Variants in ZFYVE28 observed in about 807,000 individuals in gnomAD.
The protein encoded by ZFYVE28 is lateral signaling target protein 2 homolog.
A neutral mutation model predicts 82.1 loss-of-function variants in ZFYVE28; 40 were observed. The observed-to-expected ratio is 0.49, with a 90% confidence interval of 0.38 to 0.63. The LOEUF is 0.63. Among genes scored for constraint, ZFYVE28 ranks in the 30% least tolerant of loss-of-function variants. The probability of loss-of-function intolerance (pLI) is 0.00; values close to 1 mark genes in which losing one functional copy is unlikely to be tolerated. For synonymous variants in ZFYVE28, 612 were observed against 546.1 expected (o/e 1.12, Z -1.68); for missense variants, 1,321 against 1,242.1 (o/e 1.06, Z -0.96).
chr4:2,370,438 A>G (rs1238623615), intron 1 of ZFYVE28, among the ~76,000 whole-genome samples: 2 of 152,136 alleles, frequency 1.3e-5, no homozygotes, highest in Non-Finnish European at 2.9e-5. Context: ...CCCACACCCC[A>G]GCTCACACTT....
Position 2,305,302 on chromosome 4 carries a change from G to A in ZFYVE28, c.1038C>T (p.Ser346=). The A allele has an allele frequency of 6.2e-7, 1 of 1,613,112 alleles. No homozygotes were observed. Among genetic ancestry groups the A allele is most frequent in the Non-Finnish European group, 8.5e-7 (1 of 1,179,990 alleles). ...CGTCCCCCGCCCTGTGGACCATGCG[G>A]CTGAGCTGCTCCAGCTCCTGGTCGT... The part of the protein sequence containing the change: ...QYDDQELEQL[S]RMVHRAGDEM... Residue 346 remains serine, a synonymous_variant, in exon 8 of 13, where the codon AGC becomes AGT. Transcript: ENST00000290974.
At chr4:2,359,978 T>C (rs943028981) in intron 1 of ZFYVE28, among the ~76,000 whole-genome samples, 1 of 152,160 alleles carries the variant, frequency 6.6e-6, no homozygotes, top group Non-Finnish European at 1.5e-5. Flanking sequence ...CCTCGGGCCC[T>C]GGACCTGAGC....
chr4:2,401,812 C>G (rs1020199218), intron 1 of ZFYVE28, among the ~76,000 whole-genome samples: 4 of 152,206 alleles, frequency 2.6e-5, no homozygotes, highest in African/African-American at 9.6e-5. Context: ...CAGCAAAACC[C>G]TCGGGGGTCC....
chr4:2,350,418 C>T (rs367796399), intron 2 of ZFYVE28, among the ~76,000 whole-genome samples: 15 of 151,606 alleles, frequency 9.9e-5, no homozygotes, highest in South Asian at 4.2e-4. Flanking sequence ...GAGCCGAGAT[C>T]GCGCCACTGC....
intron 8 of ZFYVE28, among the ~76,000 whole-genome samples, chr4:2,284,481 T>A (rs1712430606): frequency 6.6e-6 from 1 of 152,140 alleles, no homozygotes; most frequent in Non-Finnish European, 1.5e-5. Context: ...GGTGGAGATT[T>A]CACCAATGAG....
At chr4:2,315,903 A>C (rs1306400900) in intron 7 of ZFYVE28, among the ~76,000 whole-genome samples, 1 of 151,672 alleles carries the variant, frequency 6.6e-6, no homozygotes, top group East Asian at 1.9e-4. Flanking sequence ...GATTCCAATT[A>C]TGTTTTTTAG....
rs138524175 is a variant in ZFYVE28, at chr4:2,339,780, C to G, written c.319-125G>C. 2 of 815,204 alleles carry G rather than the reference C, an allele frequency of 2.5e-6. No homozygotes were observed. The highest frequency in any genetic ancestry group is 3.8e-6 in the Non-Finnish European group (2 of 531,898). 50.5% of individuals were successfully genotyped at this position (815,204 alleles called of 1,614,324 possible). On this transcript the variant is annotated intron_variant, in intron 3 of 12. Coordinates refer to ENST00000290974, the MANE Select transcript of ZFYVE28 (RefSeq NM_020972.3). This position sits in a 1 kb window ranked among gnomAD's most constrained non-coding sequence, Gnocchi z 5.0. ...TCTCACCCCACAGCACAGGCCAGCT[C>G]GTGTTCCCGGTCCCCGCAGGAGGTT...
chr4:2,355,684 C>T (rs1725209814), intron 1 of ZFYVE28, among the ~76,000 whole-genome samples: 2 of 151,224 alleles, frequency 1.3e-5, no homozygotes, highest in Admixed American at 6.6e-5. Context: ...CTCAAGAGAT[C>T]CTCCTGCCTC....
rs569388071 is a variant in ZFYVE28 at position 2,339,324 on chromosome 4, G to A, written c.521+129C>T. On this transcript the variant is annotated intron_variant, in intron 4 of 12. Coordinates refer to ENST00000290974, the MANE Select transcript of ZFYVE28 (RefSeq NM_020972.3). The surrounding 1 kb of genome is among the most constrained non-coding windows in gnomAD (Gnocchi z 5.0). ...CCAGGGCTTAACCCCACCCACAGGCGGCCCTGAACCTGCCTGGCTCCTCCC... is the reference window on the plus strand; with the variant it reads ...CCAGGGCTTAACCCCACCCACAGGCAGCCCTGAACCTGCCTGGCTCCTCCC... 27 of 1,025,982 alleles carry A rather than the reference G, an allele frequency of 2.6e-5. No individual in the cohort carries two copies. The highest frequency in any genetic ancestry group is 1.4e-4 in the African/African-American group (9 of 62,252). 63.6% of individuals were successfully genotyped at this position (1,025,982 alleles called of 1,614,324 possible).
intron 1 of ZFYVE28, among the ~76,000 whole-genome samples, chr4:2,369,854 T>C (rs991435178): frequency 2.9e-5 from 4 of 138,344 alleles, no homozygotes; most frequent in Admixed American, 1.4e-4. Flanking sequence ...TCTTTTCTTT[T>C]TTTTTTTTTT....
At chr4:2,317,169 G>C (rs565683588) in intron 7 of ZFYVE28, among the ~76,000 whole-genome samples, 1 of 151,526 alleles carries the variant, frequency 6.6e-6, no homozygotes, top group East Asian at 1.9e-4. Context: ...TTGTATTCTT[G>C]TAGAGATGGG....
chr4:2,348,646 G>A (rs963309517), intron 2 of ZFYVE28, among the ~76,000 whole-genome samples: 82 of 152,282 alleles, frequency 5.4e-4, no homozygotes, highest in African/African-American at 1.8e-3. Flanking sequence ...ATCAATGTAT[G>A]CTTATGCTCT....
chr4:2,404,699 C>T (rs1386435783), intron 1 of ZFYVE28, among the ~76,000 whole-genome samples: 1 of 152,052 alleles, frequency 6.6e-6, no homozygotes, highest in Non-Finnish European at 1.5e-5. Context: ...AGAGTGACTA[C>T]ATAATAGAAA....
At chr4:2,413,473 G>A (rs1338140127) in intron 1 of ZFYVE28, among the ~76,000 whole-genome samples, 1 of 152,220 alleles carries the variant, frequency 6.6e-6, no homozygotes, top group Non-Finnish European at 1.5e-5. Flanking sequence ...AGCCACGCCT[G>A]CTCTGACTCA....
intron 7 of ZFYVE28, among the ~76,000 whole-genome samples, chr4:2,308,681 A>AAGAGAG (rs1315645584): frequency 1.7e-5 from 1 of 59,896 alleles, no homozygotes; most frequent in Non-Finnish European, 3.6e-5. Flanking sequence ...AAGAAAGAGA[A>AAGAGAG]AGAAAGAAAA....
chr4:2,358,693 T>A (rs1272665365), intron 1 of ZFYVE28, among the ~76,000 whole-genome samples: 1 of 152,208 alleles, frequency 6.6e-6, no homozygotes, highest in Non-Finnish European at 1.5e-5. Context: ...ATTTGCTGTG[T>A]GACCTTATCA....
chr4:2,318,940 G>C (rs566968531), intron 7 of ZFYVE28: 2 of 152,380 alleles, frequency 1.3e-5, no homozygotes, highest in Admixed American at 6.5e-5. Flanking sequence ...TTAATCCCTC[G>C]ACAGCATTCT....
At chr4:2,337,319 C>T in intron 5 of ZFYVE28, 88 bp downstream of exon 5, 1 of 1,167,202 alleles carries the variant, frequency 8.6e-7, no homozygotes, top group South Asian at 1.6e-5. Flanking sequence ...ACAGCAGGTT[C>T]CCCCAGAGCT....
At chr4:2,365,617 G>A (rs1033378711) in intron 1 of ZFYVE28, among the ~76,000 whole-genome samples, 4 of 152,120 alleles carry the variant, frequency 2.6e-5, no homozygotes, top group African/African-American at 4.8e-5. Context: ...AAAGGCTCCC[G>A]CTCCGGCCTG....
Sources: gnomAD v4.1 joint callset for allele counts (sites outside exome capture counted in the v4.1 genomes callset) on GRCh38, gnomAD v4.1.1 for gene constraint, Gnocchi (gnomAD v3.1) non-coding constraint, MANE v1.5 for transcripts, NCBI Gene and HGNC (gene_info 2026-07-23, HGNC 2026-07-21) for gene names.